The following EDNRA variants were observed in gnomAD, a reference collection of about 807,000 sequenced individuals.
EDNRA encodes the protein endothelin receptor type A.
Under a neutral mutation model 41.4 loss-of-function variants are expected in EDNRA, and 11 were observed. The observed-to-expected ratio is 0.27, with a 90% CI of 0.17 to 0.44. EDNRA has a LOEUF of 0.44. EDNRA is among the 20% of genes least tolerant of loss of function. The probability of loss-of-function intolerance (pLI) is 1.00; values close to 1 mark genes in which losing one functional copy is unlikely to be tolerated. For synonymous variants in EDNRA, 172 were observed against 183.0 expected, an observed-to-expected ratio of 0.94 and a Z score of 0.49; for missense variants, 294 against 531.0, an observed-to-expected ratio of 0.55 and a Z score of 4.39.
rs10305857 is a variant in EDNRA at position 147,482,765 on chromosome 4, C to T, written c.-71+1389C>T. On this transcript the variant is annotated intron_variant, in intron 1 of 7. Coordinates refer to ENST00000651419, the MANE Select transcript of EDNRA (RefSeq NM_001957.4). Reference sequence around the variant, plus strand: ...GCTCTCATGCCTTAAGAACCCACAGCGTTGGCCTTACCTCCTGGCATAATC... The same window carrying T: ...GCTCTCATGCCTTAAGAACCCACAGTGTTGGCCTTACCTCCTGGCATAATC... 4.2e-3 allele frequency among the ~76,000 whole-genome samples: 645 copies of T among 152,248 alleles called. 4 individuals carry two copies. Among genetic ancestry groups the T allele is most frequent in the Non-Finnish European group, 6.7e-3 (456 of 68,020 alleles).
intron 2 of EDNRA, chr4:147,506,225 T>C: frequency 1.9e-6 from 1 of 520,326 alleles, no homozygotes; most frequent in East Asian, 5.4e-5. Flanking sequence ...ATATTCATGA[T>C]ATTGGCCGAA....
chr4:147,536,144 A>G (rs1730913231), intron 5 of EDNRA, 115 bp downstream of exon 5: 2 of 1,226,372 alleles, frequency 1.6e-6, no homozygotes, highest in East Asian at 2.4e-5. Flanking sequence ...TAAAAATACT[A>G]TCCTGTAACT....
At chr4:147,533,384 T>C (rs890860208) in intron 4 of EDNRA, among the ~76,000 whole-genome samples, 3 of 152,188 alleles carry the variant, frequency 2.0e-5, no homozygotes, top group African/African-American at 2.4e-5. Context: ...GCATCTTTTC[T>C]TTGCAAAACT....
intron 2 of EDNRA, among the ~76,000 whole-genome samples, chr4:147,513,594 AC>A (rs1261097657): frequency 6.6e-6 from 1 of 152,146 alleles, no homozygotes; most frequent in Non-Finnish European, 1.5e-5. Context: ...CTATGTACCA[AC>A]TTTTACATCC....
intron 3 of EDNRA, among the ~76,000 whole-genome samples, chr4:147,527,068 G>A (rs969055444): frequency 2.0e-5 from 3 of 152,170 alleles, no homozygotes; most frequent in African/African-American, 7.2e-5. Context: ...GATGTGCAGA[G>A]GTAAAGATAG....
At chr4:147,539,015 C>T (rs1731009356) in intron 5 of EDNRA, among the ~76,000 whole-genome samples, 1 of 152,036 alleles carries the variant, frequency 6.6e-6, no homozygotes, top group Non-Finnish European at 1.5e-5. Context: ...CAGATAATTC[C>T]TAATTTATAG....
intron 2 of EDNRA, chr4:147,490,605 G>T (rs933375407): frequency 6.6e-6 from 1 of 152,146 alleles, no homozygotes; most frequent in African/African-American, 2.4e-5. Flanking sequence ...TGGCAAAATA[G>T]TTAAAACATT....
At chr4:147,533,038 T>C (rs1252410258) in intron 4 of EDNRA, among the ~76,000 whole-genome samples, 1 of 151,534 alleles carries the variant, frequency 6.6e-6, no homozygotes, top group Non-Finnish European at 1.5e-5. Context: ...TATATATATA[T>C]ACATATGCTA....
chr4:147,533,657 TC>T (rs1250617550), intron 4 of EDNRA, among the ~76,000 whole-genome samples: 1 of 152,214 alleles, frequency 6.6e-6, no homozygotes, highest in Non-Finnish European at 1.5e-5. Flanking sequence ...AATTGAAGTT[TC>T]TTACTGGGTT....
Position 147,532,626 on chromosome 4 carries a change from C to T in EDNRA, c.669C>T (p.Gly223=), listed in dbSNP as rs1416420047. 7 of 1,614,086 alleles carry T rather than the reference C, an allele frequency of 4.3e-6. No homozygotes were observed. Among genetic ancestry groups the T allele is most frequent in the Non-Finnish European group, 5.9e-6 (7 of 1,180,012 alleles). ...TCCTGGCCATTCCTGAAGCGATTGG[C>T]TTCGTCATGGTACCCTTTGAATATA... ...SFILAIPEAI[G]FVMVPFEYRG... is the part of the protein sequence containing the mutation. Residue 223 remains glycine (G), a synonymous_variant, in exon 4 of 8, where the codon GGC becomes GGT. Coordinates refer to ENST00000651419, the MANE Select transcript of EDNRA (RefSeq NM_001957.4).
Position 147,544,659 on chromosome 4 carries a change from T to G in EDNRA, c.*2041T>G, listed in dbSNP as rs896481405. The G allele has an allele frequency of 1.3e-5, 2 of 152,476 alleles. No homozygotes were observed. The highest frequency in any genetic ancestry group is 4.8e-5 in the African/African-American group (2 of 41,466). The allele number at this position is 152,476 out of a possible 1,614,324, so 9.4% of individuals were successfully genotyped here. A position where few individuals can be genotyped will look rare whatever the true frequency, so the allele number is the denominator to read the frequency against. ...TATGCAGTGATATATGCCTATAATA[T>G]AAGCCATAGGTTCACACCATTTTGT... On this transcript the variant is annotated 3_prime_UTR_variant, in exon 8 of 8. Coordinates refer to ENST00000651419, the MANE Select transcript of EDNRA (RefSeq NM_001957.4).
At position 147,519,358 on chromosome 4, in the gene EDNRA, A is replaced by G. The variant is rs895461250; in HGVS notation, c.421-493A>G. The stretch of plus-strand genomic sequence containing the variant: ...ATAATCTGCCAATTCCAGTAGTTGA[A>G]ATTATTTGCTTTACTCATGGTTTAG... On this transcript the variant is annotated intron_variant, in intron 2 of 7. Coordinates refer to ENST00000651419, the MANE Select transcript of EDNRA (RefSeq NM_001957.4). This position sits in a 1 kb window ranked among gnomAD's most constrained non-coding sequence, Gnocchi z 4.1. Among the ~76,000 whole-genome samples the G allele has an allele frequency of 2.6e-5, 4 of 152,094 alleles. No homozygotes were observed. The highest frequency in any genetic ancestry group is 4.4e-5 in the Non-Finnish European group (3 of 68,008).
intron 5 of EDNRA, among the ~76,000 whole-genome samples, chr4:147,538,013 G>C (rs1730973954): frequency 1.3e-5 from 2 of 152,096 alleles, no homozygotes; most frequent in South Asian, 4.1e-4. Flanking sequence ...TCATAATGAT[G>C]ACAGTTTTAT....
intron 2 of EDNRA, among the ~76,000 whole-genome samples, chr4:147,510,159 G>A (rs1324025232): frequency 6.6e-6 from 1 of 152,164 alleles, no homozygotes; most frequent in African/African-American, 2.4e-5. Flanking sequence ...ATTGCTGCAT[G>A]TGGAACAATG....
At chr4:147,513,805 T>C (rs1730004780) in intron 2 of EDNRA, among the ~76,000 whole-genome samples, 2 of 152,168 alleles carry the variant, frequency 1.3e-5, no homozygotes, top group Non-Finnish European at 2.9e-5. Context: ...AAACAGGAGA[T>C]GAAGGAGAGG....
Position 147,519,725 on chromosome 4 carries a change from C to T in EDNRA, c.421-126C>T, listed in dbSNP as rs1730247510. ...AAATAACAATTCTAATACTCTTTTG[C>T]TACAGTGCTAACTGAAAAGCACTGT... On this transcript the variant is annotated intron_variant, in intron 2 of 7. Coordinates refer to ENST00000651419, the MANE Select transcript of EDNRA (RefSeq NM_001957.4). The surrounding 1 kb of genome is among the most constrained non-coding windows in gnomAD (Gnocchi z 4.1). 1.8e-6 allele frequency: 2 copies of T among 1,109,470 alleles called. No individual in the cohort carries two copies. Among genetic ancestry groups the T allele is most frequent in the Non-Finnish European group, 2.5e-6 (2 of 809,476 alleles). The allele number at this position is 1,109,470 out of a possible 1,614,324, so 68.7% of individuals were successfully genotyped here.
At chr4:147,490,552 C>T (rs1414340333) in intron 2 of EDNRA, 2 of 151,946 alleles carry the variant, frequency 1.3e-5, no homozygotes, top group Non-Finnish European at 2.9e-5. Context: ...AAAACTTAGC[C>T]AAGTAAATTA....
intron 2 of EDNRA, among the ~76,000 whole-genome samples, chr4:147,512,099 T>C (rs73853919): frequency 2.7e-3 from 408 of 152,326 alleles, no homozygotes; most frequent in African/African-American, 9.6e-3. Flanking sequence ...TAATTTTTCT[T>C]CTCTAAAGTT....
At chr4:147,504,004 T>C (rs185946053) in intron 2 of EDNRA, among the ~76,000 whole-genome samples, 1 of 152,330 alleles carries the variant, frequency 6.6e-6, no homozygotes, top group East Asian at 1.9e-4. Context: ...GGCATTGTTT[T>C]ACATTTTTAC....
Sources: allele counts gnomAD v4.1 joint callset (sites outside exome capture counted in the v4.1 genomes callset), GRCh38; gene constraint gnomAD v4.1.1; non-coding constraint Gnocchi (gnomAD v3.1); transcripts MANE v1.5; gene names NCBI Gene and HGNC (gene_info 2026-07-23, HGNC 2026-07-21).